The following CLYBL variants were observed in gnomAD, a reference collection of about 807,000 sequenced individuals.
CLYBL encodes the protein citramalyl-CoA lyase, mitochondrial.
Under a neutral mutation model 38.9 loss-of-function variants are expected in CLYBL, and 31 were observed. The observed-to-expected ratio is 0.80, with a 90% CI of 0.60 to 1.08. The LOEUF is 1.08. CLYBL is among the 50% of genes least tolerant of loss of function. The pLI is 0.00. For synonymous variants in CLYBL, 171 were observed against 158.6 expected (o/e 1.08, Z -0.59); for missense variants, 434 against 411.6 (o/e 1.05, Z -0.47).
At chr13:99,719,145 C>A (rs2048359301) in intron 1 of CLYBL, among the ~76,000 whole-genome samples, 1 of 145,260 alleles carries the variant, frequency 6.9e-6, no homozygotes, top group African/African-American at 2.5e-5. Context: ...AACCACCACA[C>A]AAGGCCTATT....
chr13:99,633,497 T>C (rs1020805933), intron 1 of CLYBL, among the ~76,000 whole-genome samples: 5 of 146,728 alleles, frequency 3.4e-5, no homozygotes, highest in Non-Finnish European at 7.4e-5. Context: ...ATGGCACCAC[T>C]GTACTCCAGC....
At chr13:99,850,827 G>A (rs2051313384) in intron 2 of CLYBL, among the ~76,000 whole-genome samples, 1 of 152,118 alleles carries the variant, frequency 6.6e-6, no homozygotes, top group Non-Finnish European at 1.5e-5. Flanking sequence ...ACATAAAATG[G>A]AATATTATTC....
At chr13:99,854,122 G>A (rs746921238) in intron 2 of CLYBL, among the ~76,000 whole-genome samples, 3 of 152,054 alleles carry the variant, frequency 2.0e-5, no homozygotes, top group Non-Finnish European at 4.4e-5. Flanking sequence ...AGTCTAGAAA[G>A]TCTTTCCTAT....
Position 99,869,883 on chromosome 13 carries a change from G to A in CLYBL, c.803-1055G>A, listed in dbSNP as rs2051840385. Among the ~76,000 whole-genome samples, 2 of 151,908 alleles carry A rather than the reference G, an allele frequency of 1.3e-5. No individual in the cohort carries two copies. Among genetic ancestry groups the A allele is most frequent in the Admixed American group, 1.3e-4 (2 of 15,250 alleles). On this transcript the variant is annotated intron_variant, in intron 6 of 8. Coordinates refer to ENST00000339105, the MANE Select transcript of CLYBL (RefSeq NM_206808.5). This position sits in a 1 kb window ranked among gnomAD's most constrained non-coding sequence, Gnocchi z 4.3. ...CATTCATTTTTAAAGAGCCAATTAT[G>A]TTCATAACTTTATCACGTAACAATA... is the stretch of plus-strand genomic sequence containing the variant.
At position 99,699,909 on chromosome 13, in the gene CLYBL, G is replaced by A. The variant is rs549269076; in HGVS notation, c.63-72915G>A. On this transcript the variant is annotated intron_variant, in intron 1 of 8. Transcript: ENST00000339105. Reference sequence around the variant, plus strand: ...CTCGAGGCTGAGGCAGGAGAATGGCGTGAACCACGGAGGCGGAGCTTGCAG... The same window carrying A: ...CTCGAGGCTGAGGCAGGAGAATGGCATGAACCACGGAGGCGGAGCTTGCAG... 8.3e-4 allele frequency among the ~76,000 whole-genome samples: 123 copies of A among 148,036 alleles called. 1 individual carries two copies. The highest frequency in any genetic ancestry group is 7.2e-3 in the South Asian group (33 of 4,572).
intron 1 of CLYBL, among the ~76,000 whole-genome samples, chr13:99,759,762 A>C (rs1464628387): frequency 6.6e-6 from 1 of 152,208 alleles, no homozygotes; most frequent in Non-Finnish European, 1.5e-5. Flanking sequence ...AGTAGCTGTT[A>C]TGTTGCTTCT....
At chr13:99,632,556 A>G (rs1272694180) in intron 1 of CLYBL, among the ~76,000 whole-genome samples, 4 of 152,356 alleles carry the variant, frequency 2.6e-5, no homozygotes, top group Admixed American at 2.6e-4. Context: ...AGCCTGGCCA[A>G]CATAGTGAAA....
intron 2 of CLYBL, among the ~76,000 whole-genome samples, chr13:99,796,646 C>T (rs2050027650): frequency 6.6e-6 from 1 of 152,176 alleles, no homozygotes; most frequent in African/African-American, 2.4e-5. Flanking sequence ...GGCAGAGCTG[C>T]ACTTTGATCA....
At chr13:99,676,490 A>G (rs1263157972) in intron 1 of CLYBL, among the ~76,000 whole-genome samples, 2 of 150,814 alleles carry the variant, frequency 1.3e-5, no homozygotes, top group Non-Finnish European at 3.0e-5. Flanking sequence ...TAGAGACAGG[A>G]TTTCGCCATG....
At chr13:99,792,452 G>A (rs1046695925) in intron 2 of CLYBL, among the ~76,000 whole-genome samples, 22 of 152,272 alleles carry the variant, frequency 1.4e-4, no homozygotes, top group Admixed American at 1.1e-3. Context: ...GCTGCTCCAC[G>A]TGGCAGAGTA....
intron 1 of CLYBL, among the ~76,000 whole-genome samples, chr13:99,657,173 A>G (rs1405438155): frequency 6.6e-6 from 1 of 152,260 alleles, no homozygotes; most frequent in African/African-American, 2.4e-5. Flanking sequence ...TGTATACTGC[A>G]GAAGGACAAC....
chr13:99,788,232 C>T (rs2049840422), intron 2 of CLYBL, among the ~76,000 whole-genome samples: 2 of 152,148 alleles, frequency 1.3e-5, no homozygotes, highest in South Asian at 4.1e-4. Context: ...ACTTCCAACA[C>T]TATGTTGAAT....
intron 1 of CLYBL, among the ~76,000 whole-genome samples, chr13:99,717,436 G>GA (rs1172721313): frequency 5.3e-4 from 48 of 91,100 alleles, no homozygotes; most frequent in African/African-American, 7.9e-4. Context: ...AAAAAAATTA[G>GA]AAAAAAAAAA....
At chr13:99,613,020 GTGA>G (rs199533089) in intron 1 of CLYBL, among the ~76,000 whole-genome samples, 14,994 of 61,792 alleles carry the variant, frequency 0.24, 964 homozygotes, top group East Asian at 0.35. Flanking sequence ...ATTAAAAATA[GTGA>G]TGATAATAAT....
chr13:99,623,261 A>C (rs543956845), intron 1 of CLYBL, among the ~76,000 whole-genome samples: 1 of 152,302 alleles, frequency 6.6e-6, no homozygotes, highest in South Asian at 2.1e-4. Context: ...CCTCGCCAAC[A>C]CTTGCTATTT....
chr13:99,824,263 C>CCA (rs1030055732), intron 2 of CLYBL, among the ~76,000 whole-genome samples: 5 of 125,598 alleles, frequency 4.0e-5, no homozygotes, highest in Non-Finnish European at 5.0e-5. Flanking sequence ...AATAGCCCCC[C>CCA]CCACCCACCC....
chr13:99,668,854 G>A (rs1238107730), intron 1 of CLYBL, among the ~76,000 whole-genome samples: 1 of 152,098 alleles, frequency 6.6e-6, no homozygotes, highest in East Asian at 1.9e-4. Context: ...GCCGTGATAT[G>A]ATTGAATCAA....
chr13:99,661,662 G>A (rs1046797764), intron 1 of CLYBL, among the ~76,000 whole-genome samples: 5 of 152,032 alleles, frequency 3.3e-5, no homozygotes, highest in African/African-American at 9.7e-5. Flanking sequence ...TCTTTGTTAC[G>A]GAAATAGATT....
At chr13:99,908,875 C>T (rs889440770) in exon 10 of CLYBL, among the ~76,000 whole-genome samples, 6 of 152,130 alleles carry the variant, frequency 3.9e-5, no homozygotes, top group Admixed American at 1.3e-4. Context: ...AATAAATAAA[C>T]AAATGGGAGG....
Sources: gnomAD v4.1 joint callset for allele counts (sites outside exome capture counted in the v4.1 genomes callset) on GRCh38, gnomAD v4.1.1 for gene constraint, Gnocchi (gnomAD v3.1) non-coding constraint, MANE v1.5 for transcripts, NCBI Gene and HGNC (gene_info 2026-07-23, HGNC 2026-07-21) for gene names.